The following ASTN2 variants were observed in gnomAD, a reference collection of about 807,000 sequenced individuals.
ASTN2 encodes astrotactin-2.
ASTN2 carries 54 observed loss-of-function variants against 139.8 expected under a neutral mutation model. That is an observed-to-expected ratio of 0.39 (90% CI 0.31 to 0.48). The LOEUF (loss-of-function observed/expected upper bound fraction) is 0.48, where lower values mean the gene tolerates loss of function less well. Among genes scored for constraint, ASTN2 ranks in the 20% least tolerant of loss-of-function variants. The pLI is 0.95. For missense variants in ASTN2, 1,565 were observed against 1,725.1 expected (o/e 0.91, Z 1.64); for synonymous variants, 756 against 719.5 (o/e 1.05, Z -0.81).
intron 1 of ASTN2, among the ~76,000 whole-genome samples, chr9:117,322,941 C>A (rs940246048): frequency 1.3e-5 from 2 of 152,110 alleles, no homozygotes; most frequent in Non-Finnish European, 2.9e-5. Flanking sequence ...ACCTTCGGGG[C>A]TGAAATAAGA....
intron 10 of ASTN2, among the ~76,000 whole-genome samples, chr9:116,924,232 A>C (rs1834690380): frequency 6.6e-6 from 1 of 151,786 alleles, no homozygotes; most frequent in South Asian, 2.1e-4. Flanking sequence ...AACATGGTGA[A>C]ATCCTATCTC....
At chr9:116,551,333 C>T (rs1267219944) in intron 19 of ASTN2, among the ~76,000 whole-genome samples, 2 of 152,128 alleles carry the variant, frequency 1.3e-5, no homozygotes, top group African/African-American at 4.8e-5. Context: ...TCAGAATTAC[C>T]TTTTACTGAG....
At chr9:116,980,564 G>T (rs1452750219) in intron 7 of ASTN2, among the ~76,000 whole-genome samples, 1 of 152,062 alleles carries the variant, frequency 6.6e-6, no homozygotes, top group East Asian at 1.9e-4. Flanking sequence ...AAAATGGAAG[G>T]TTGGAGTAGA....
chr9:116,759,253 C>T (rs1829613737), intron 13 of ASTN2, among the ~76,000 whole-genome samples: 1 of 152,162 alleles, frequency 6.6e-6, no homozygotes, highest in Admixed American at 6.5e-5. Context: ...AAATGGATGA[C>T]TGAAGCATTC....
intron 2 of ASTN2, among the ~76,000 whole-genome samples, chr9:117,262,366 C>T (rs974119573): frequency 6.6e-5 from 10 of 151,872 alleles, no homozygotes; most frequent in Non-Finnish European, 1.3e-4. Context: ...AATATTCCCA[C>T]CCAACACTGT....
At chr9:116,696,877 T>C (rs1212008639) in intron 16 of ASTN2, among the ~76,000 whole-genome samples, 1 of 149,812 alleles carries the variant, frequency 6.7e-6, no homozygotes, top group Non-Finnish European at 1.5e-5. Flanking sequence ...CTAAAACTAA[T>C]CATCACAATT....
intron 1 of ASTN2, among the ~76,000 whole-genome samples, chr9:117,406,039 T>C (rs1009175682): frequency 6.6e-6 from 1 of 152,196 alleles, no homozygotes; most frequent in Non-Finnish European, 1.5e-5. Context: ...TCAAGTTTTG[T>C]CTACTGTGGA....
chr9:116,839,945 A>G (rs1295780144), intron 11 of ASTN2, among the ~76,000 whole-genome samples: 3 of 145,640 alleles, frequency 2.1e-5, no homozygotes, highest in East Asian at 2.1e-4. Flanking sequence ...GCAGGGTCAC[A>G]GGACAATAGT....
intron 17 of ASTN2, among the ~76,000 whole-genome samples, chr9:116,630,873 T>TA (rs1004921051): frequency 3.2e-4 from 48 of 151,680 alleles, no homozygotes; most frequent in Non-Finnish European, 6.5e-4. Flanking sequence ...AGAAAACATA[T>TA]AATCCAATTT....
intron 3 of ASTN2, among the ~76,000 whole-genome samples, chr9:117,186,710 A>G (rs552317689): frequency 2.0e-5 from 3 of 152,236 alleles, no homozygotes; most frequent in Admixed American, 6.5e-5. Flanking sequence ...TCACTCCTCA[A>G]TTATTTATTT....
chr9:116,570,693 G>A (rs372679510), intron 19 of ASTN2, among the ~76,000 whole-genome samples: 1 of 152,114 alleles, frequency 6.6e-6, no homozygotes, highest in Non-Finnish European at 1.5e-5. Context: ...CACCGCGCCC[G>A]GCTGAGTCTG....
chr9:116,823,780 C>A (rs1326810), intron 11 of ASTN2, among the ~76,000 whole-genome samples: 1 of 152,062 alleles, frequency 6.6e-6, no homozygotes, highest in Admixed American at 6.5e-5. Flanking sequence ...ATTTGATCCA[C>A]GCCTGTGGGA....
chr9:117,276,011 T>A (rs971681323), intron 2 of ASTN2, among the ~76,000 whole-genome samples: 1 of 152,126 alleles, frequency 6.6e-6, no homozygotes. Flanking sequence ...TATCTGCCAT[T>A]CTGACTGAAA....
chr9:116,889,769 AC>A (rs1340204797), intron 10 of ASTN2, among the ~76,000 whole-genome samples: 37 of 142,330 alleles, frequency 2.6e-4, no homozygotes, highest in African/African-American at 9.0e-4. Flanking sequence ...ACACACACAC[AC>A]AAATAAGAAA....
chr9:116,999,458 T>G (rs991186784), intron 7 of ASTN2, among the ~76,000 whole-genome samples: 1 of 151,708 alleles, frequency 6.6e-6, no homozygotes, highest in Non-Finnish European at 1.5e-5. Context: ...CAAGGTCGAC[T>G]GGCAAATTTG....
At chr9:117,050,348 T>C (rs983211721) in intron 5 of ASTN2, among the ~76,000 whole-genome samples, 7 of 152,152 alleles carry the variant, frequency 4.6e-5, no homozygotes, top group East Asian at 1.9e-4. Flanking sequence ...GCCCACACTT[T>C]GTGAAAATAG....
chr9:116,850,934 G>A (rs1474761653), intron 11 of ASTN2, among the ~76,000 whole-genome samples: 3 of 152,160 alleles, frequency 2.0e-5, no homozygotes, highest in African/African-American at 7.2e-5. Flanking sequence ...CTAGGGAGTA[G>A]GATCCAAAGC....
intron 16 of ASTN2, among the ~76,000 whole-genome samples, chr9:116,652,872 A>C (rs149630479): frequency 2.6e-5 from 4 of 152,228 alleles, no homozygotes; most frequent in African/African-American, 9.6e-5. Flanking sequence ...TCTATAAACC[A>C]GTATTTTCCA....
intron 4 of ASTN2, among the ~76,000 whole-genome samples, chr9:117,120,018 GTA>G (rs200361826): frequency 0.036 from 1,671 of 45,952 alleles, 59 homozygotes; most frequent in African/African-American, 0.11. Flanking sequence ...GTGTGTGTGT[GTA>G]TATATATATA....
Sources: gnomAD v4.1 joint callset for allele counts (sites outside exome capture counted in the v4.1 genomes callset) on GRCh38, gnomAD v4.1.1 for gene constraint, MANE v1.5 for transcripts, NCBI Gene and HGNC (gene_info 2026-07-23, HGNC 2026-07-21) for gene names.